The following RAB27A variants were observed in gnomAD, a reference collection of about 807,000 sequenced individuals.
The protein encoded by RAB27A is ras-related protein Rab-27A.
In RAB27A, 17 loss-of-function variants were observed where a neutral mutation model predicts 20.8. The observed-to-expected ratio is 0.82, with a 90% CI of 0.56 to 1.23. RAB27A has a LOEUF of 1.23. Ranked by LOEUF, RAB27A falls within the 50% of genes most tolerant of loss-of-function variation. The pLI is 0.00. For missense variants in RAB27A, 277 were observed against 266.7 expected, an observed-to-expected ratio of 1.04 and a Z score of -0.27; for synonymous variants, 85 against 92.8, an observed-to-expected ratio of 0.92 and a Z score of 0.48.
At chr15:55,285,240 G>T (rs1157786000) in intron 1 of RAB27A, among the ~76,000 whole-genome samples, 2 of 149,974 alleles carry the variant, frequency 1.3e-5, no homozygotes, top group Non-Finnish European at 3.0e-5. Flanking sequence ...CACACGGGAG[G>T]TTGGCTGACT....
chr15:55,233,000 C>T (rs1330605833), intron 3 of RAB27A, among the ~76,000 whole-genome samples: 1 of 152,096 alleles, frequency 6.6e-6, no homozygotes, highest in Non-Finnish European at 1.5e-5. Flanking sequence ...TGGCGGGTGC[C>T]TGTAATCCTA....
chr15:55,308,256 T>C (rs2055006592), intron 2 of RAB27A, among the ~76,000 whole-genome samples: 1 of 152,234 alleles, frequency 6.6e-6, no homozygotes, highest in African/African-American at 2.4e-5. Context: ...GTACAGCGAA[T>C]AATAATCTCC....
At chr15:55,277,314 G>C (rs1241209362) in intron 1 of RAB27A, among the ~76,000 whole-genome samples, 1 of 152,126 alleles carries the variant, frequency 6.6e-6, no homozygotes, top group African/African-American at 2.4e-5. Context: ...CTGGTTTTTT[G>C]TAACAGCCCT....
chr15:55,215,802 C>T (rs967192426), intron 6 of RAB27A, among the ~76,000 whole-genome samples: 63 of 151,548 alleles, frequency 4.2e-4, no homozygotes, highest in African/African-American at 1.4e-3. Flanking sequence ...AAAAATTAGC[C>T]AGGCGTGGTG....
chr15:55,257,845 T>C (rs912928533), intron 2 of RAB27A, among the ~76,000 whole-genome samples: 6 of 151,970 alleles, frequency 3.9e-5, no homozygotes, highest in African/African-American at 1.2e-4. Context: ...ATACAAAAAT[T>C]AGCCAGGCGT....
chr15:55,305,390 G>T (rs2054992627), intron 2 of RAB27A, among the ~76,000 whole-genome samples: 1 of 152,198 alleles, frequency 6.6e-6, no homozygotes, highest in African/African-American at 2.4e-5. Context: ...GTCCACGGTA[G>T]ATCTTAGTCA....
intron 2 of RAB27A, among the ~76,000 whole-genome samples, chr15:55,248,164 T>C (rs914337877): frequency 2.0e-5 from 3 of 152,154 alleles, no homozygotes; most frequent in Non-Finnish European, 4.4e-5. Flanking sequence ...TTCAGGTACA[T>C]GGTGGCATGC....
intron 2 of RAB27A, among the ~76,000 whole-genome samples, chr15:55,238,889 A>G (rs1896372007): frequency 6.7e-6 from 1 of 148,560 alleles, no homozygotes; most frequent in African/African-American, 2.6e-5. Flanking sequence ...CATCCATTTT[A>G]GCAAGTTCAT....
At chr15:55,274,641 G>A (rs1175445607) in intron 1 of RAB27A, among the ~76,000 whole-genome samples, 1 of 151,198 alleles carries the variant, frequency 6.6e-6, no homozygotes, top group Non-Finnish European at 1.5e-5. Context: ...AGCCAGGCGT[G>A]GTGGCAGGTG....
intron 2 of RAB27A, among the ~76,000 whole-genome samples, chr15:55,238,708 C>T (rs59577009): frequency 0.045 from 6,901 of 152,124 alleles, 542 homozygotes; most frequent in African/African-American, 0.16. Flanking sequence ...CTAGCACAAA[C>T]GATTGCTAAC....
intron 6 of RAB27A, among the ~76,000 whole-genome samples, chr15:55,208,022 G>T (rs1004172898): frequency 8.5e-5 from 13 of 152,232 alleles, no homozygotes; most frequent in African/African-American, 3.1e-4. Context: ...ACACTGGATA[G>T]TGCAGCCCTA....
chr15:55,256,651 G>A (rs1457585554), intron 2 of RAB27A, among the ~76,000 whole-genome samples: 1 of 152,200 alleles, frequency 6.6e-6, no homozygotes, highest in Non-Finnish European at 1.5e-5. Context: ...TACAAAACTG[G>A]CTGTAAACTC....
intron 6 of RAB27A, among the ~76,000 whole-genome samples, chr15:55,214,954 A>T (rs1187157848): frequency 6.6e-6 from 1 of 152,194 alleles, no homozygotes; most frequent in Admixed American, 6.5e-5. Flanking sequence ...TATATCCATT[A>T]AAAATCAGTT....
intron 2 of RAB27A, among the ~76,000 whole-genome samples, chr15:55,241,732 C>G (rs1896501194): frequency 6.7e-6 from 1 of 149,938 alleles, no homozygotes; most frequent in Non-Finnish European, 1.5e-5. Context: ...TGCTTAAGCC[C>G]AGGAGTTCAA....
rs573196947 is a variant in RAB27A at position 55,234,975 on chromosome 15, A to C, written c.-22-19T>G. Reference sequence around the variant, plus strand: ...AGTTCACCTGTAAAATACACACAAAATTTTTTAATTAAAATCCATTAGAAA... The same window carrying C: ...AGTTCACCTGTAAAATACACACAAACTTTTTTAATTAAAATCCATTAGAAA... On this transcript the variant is annotated intron_variant, in intron 2 of 6. Coordinates refer to ENST00000336787, the MANE Select transcript of RAB27A (RefSeq NM_183235.3). 6.4e-7 allele frequency: 1 copy of C among 1,559,758 alleles called. No homozygotes were observed. The highest frequency in any genetic ancestry group is 1.1e-5 in the South Asian group (1 of 87,764).
exon 1 of RAB27A, chr15:55,319,105 C>T: frequency 2.1e-6 from 2 of 955,990 alleles, no homozygotes; most frequent in South Asian, 1.9e-5. Context: ...AGGAGGCCAC[C>T]ACGTCGGGTG....
intron 2 of RAB27A, among the ~76,000 whole-genome samples, chr15:55,256,076 A>AGTTTTT (rs1333839889): frequency 6.6e-6 from 1 of 152,172 alleles, no homozygotes; most frequent in Non-Finnish European, 1.5e-5. Flanking sequence ...GGGTACATGT[A>AGTTTTT]AGATCGTTGT....
chr15:55,316,719 C>T (rs1019861006), intron 1 of RAB27A, among the ~76,000 whole-genome samples: 4 of 152,102 alleles, frequency 2.6e-5, no homozygotes, highest in African/African-American at 9.7e-5. Flanking sequence ...ACTCCCTTAA[C>T]ACAATTATTA....
At chr15:55,261,057 T>C (rs1897251376) in intron 2 of RAB27A, among the ~76,000 whole-genome samples, 1 of 152,068 alleles carries the variant, frequency 6.6e-6, no homozygotes, top group Non-Finnish European at 1.5e-5. Context: ...ATATGGAAAC[T>C]GTACTTTCTA....
Sources: allele counts gnomAD v4.1 joint callset (sites outside exome capture counted in the v4.1 genomes callset), GRCh38; gene constraint gnomAD v4.1.1; transcripts MANE v1.5; gene names NCBI Gene and HGNC (gene_info 2026-07-23, HGNC 2026-07-21).